Variants in SLIT3 observed in about 807,000 individuals in gnomAD.
SLIT3 encodes slit homolog 3 protein.
Under a neutral mutation model 184.0 loss-of-function variants are expected in SLIT3, and 68 were observed. That is an observed-to-expected ratio of 0.37 (90% CI 0.30 to 0.45). SLIT3 has a LOEUF of 0.45. Ranked by LOEUF, SLIT3 falls within the 20% of genes least tolerant of loss-of-function variation. The probability of loss-of-function intolerance (pLI) is 1.00; values close to 1 mark genes in which losing one functional copy is unlikely to be tolerated. For synonymous variants in SLIT3, 831 were observed against 828.6 expected, an observed-to-expected ratio of 1.00 and a Z score of -0.05; for missense variants, 1,707 against 2,026.0, an observed-to-expected ratio of 0.84 and a Z score of 3.02.
At chr5:169,075,118 T>C (rs1758689211) in intron 4 of SLIT3, among the ~76,000 whole-genome samples, 2 of 152,092 alleles carry the variant, frequency 1.3e-5, no homozygotes, top group African/African-American at 2.4e-5. Context: ...ACTCTGCTTA[T>C]GGCTGGGTCA....
In SLIT3 at chr5:168,662,204, T is replaced by A. The variant is rs1326064043; in HGVS notation, c.*4250A>T. On this transcript the variant is annotated 3_prime_UTR_variant, in exon 36 of 36. Coordinates refer to ENST00000519560, the MANE Select transcript of SLIT3 (RefSeq NM_003062.4). ...TCTTTGGTCTATGATCACCGCATTC[T>A]TCCATTTGTTCGACCCTCAGTTTTC... 3 of 152,270 alleles carry A rather than the reference T, an allele frequency of 2.0e-5. No individual in the cohort carries two copies. Among genetic ancestry groups the A allele is most frequent in the Admixed American group, 2.0e-4 (3 of 15,288 alleles). 9.4% of individuals were successfully genotyped at this position (152,270 alleles called of 1,614,324 possible).
At chr5:169,193,231 C>T (rs1344860850) in intron 4 of SLIT3, among the ~76,000 whole-genome samples, 6 of 152,172 alleles carry the variant, frequency 3.9e-5, no homozygotes, top group East Asian at 3.9e-4. Flanking sequence ...TGCAAGGCAA[C>T]GATGGACTAC....
chr5:169,117,091 C>G (rs1760696057), intron 4 of SLIT3, among the ~76,000 whole-genome samples: 1 of 152,152 alleles, frequency 6.6e-6, no homozygotes, highest in African/African-American at 2.4e-5. Context: ...CCAAGTCTAT[C>G]CTGTGAAGCG....
intron 4 of SLIT3, among the ~76,000 whole-genome samples, chr5:169,167,399 C>A (rs1173735084): frequency 6.6e-6 from 1 of 150,960 alleles, no homozygotes; most frequent in Admixed American, 6.6e-5. Flanking sequence ...CTCAGCCTCC[C>A]GAGTAGCTGG....
At chr5:168,927,372 T>C (rs1761863606) in intron 4 of SLIT3, among the ~76,000 whole-genome samples, 1 of 151,994 alleles carries the variant, frequency 6.6e-6, no homozygotes, top group African/African-American at 2.4e-5. Flanking sequence ...TAGGAGGGGA[T>C]AGGGAGTTTT....
intron 4 of SLIT3, among the ~76,000 whole-genome samples, chr5:169,082,972 A>C (rs185042218): frequency 1.4e-3 from 220 of 152,334 alleles, no homozygotes; most frequent in African/African-American, 5.1e-3. Flanking sequence ...TTAGAGCTCC[A>C]AAGCAAATAA....
Position 169,077,724 on chromosome 5 carries a change from T to C in SLIT3, c.413+115755A>G, listed in dbSNP as rs965290113. The stretch of plus-strand genomic sequence containing the variant: ...GTCACCACCCCAAACCCCTGTGTTG[T>C]TCAAGGGTCAATGTATATCAAAATG... On this transcript the variant is annotated intron_variant, in intron 4 of 35. Transcript: ENST00000519560. 3.9e-5 allele frequency among the ~76,000 whole-genome samples: 6 copies of C among 152,166 alleles called. No homozygotes were observed. In the East Asian group the frequency reaches 1.2e-3, roughly 29 times the overall value.
intron 4 of SLIT3, among the ~76,000 whole-genome samples, chr5:168,909,806 A>C (rs1178373820): frequency 6.6e-6 from 1 of 152,176 alleles, no homozygotes; most frequent in African/African-American, 2.4e-5. Flanking sequence ...GCACGTTTTA[A>C]GGGATTGAAG....
intron 1 of SLIT3, among the ~76,000 whole-genome samples, chr5:169,287,702 T>C (rs1286188166): frequency 2.0e-5 from 3 of 152,096 alleles, no homozygotes; most frequent in East Asian, 1.9e-4. Context: ...AATTCAGAAC[T>C]TGTACGCTGG....
At chr5:168,864,996 C>T (rs1759246442) in intron 5 of SLIT3, among the ~76,000 whole-genome samples, 1 of 151,890 alleles carries the variant, frequency 6.6e-6, no homozygotes, top group African/African-American at 2.4e-5. Context: ...GGTGAAACCC[C>T]ATCTCTACTA....
chr5:169,265,260 C>T (rs1007574895), intron 1 of SLIT3, among the ~76,000 whole-genome samples: 1 of 152,208 alleles, frequency 6.6e-6, no homozygotes, highest in East Asian at 1.9e-4. Context: ...TTCTGGCCTG[C>T]AGACCTGCGT....
At chr5:169,143,012 A>T (rs79989533) in intron 4 of SLIT3, among the ~76,000 whole-genome samples, 1 of 152,228 alleles carries the variant, frequency 6.6e-6, no homozygotes, top group African/African-American at 2.4e-5. Flanking sequence ...AATGATGCTG[A>T]GATGCAAAAG....
intron 4 of SLIT3, among the ~76,000 whole-genome samples, chr5:169,008,193 T>C (rs1055776034): frequency 1.3e-5 from 2 of 152,186 alleles, no homozygotes; most frequent in African/African-American, 4.8e-5. Context: ...TGAAAAGAAA[T>C]CATCTCTGGG....
chr5:168,955,042 C>A (rs1762775179), intron 4 of SLIT3, among the ~76,000 whole-genome samples: 1 of 136,490 alleles, frequency 7.3e-6, no homozygotes, highest in Admixed American at 7.8e-5. Context: ...TGTTCCCTGG[C>A]TACACAGCCC....
At chr5:168,803,726 G>T (rs572474778) in intron 9 of SLIT3, among the ~76,000 whole-genome samples, 156 of 152,196 alleles carry the variant, frequency 1.0e-3, no homozygotes, top group African/African-American at 3.6e-3. Flanking sequence ...GTCTATGGCT[G>T]CCAAAGAGAA....
intron 4 of SLIT3, among the ~76,000 whole-genome samples, chr5:169,054,082 C>G (rs925797132): frequency 2.0e-5 from 3 of 151,668 alleles, no homozygotes; most frequent in African/African-American, 7.3e-5. Flanking sequence ...CAGAGTGAGA[C>G]TCTCTCTCAA....
chr5:169,136,623 C>G (rs1360968528), intron 4 of SLIT3, among the ~76,000 whole-genome samples: 1 of 152,230 alleles, frequency 6.6e-6, no homozygotes, highest in African/African-American at 2.4e-5. Context: ...GGATGTTAAA[C>G]TTGGTGACCT....
intron 10 of SLIT3, among the ~76,000 whole-genome samples, chr5:168,794,226 C>G (rs1288219710): frequency 6.6e-6 from 1 of 152,206 alleles, no homozygotes. Context: ...CTGACTCTCT[C>G]TTTCCTCTGT....
At chr5:168,757,502 C>T (rs558549524) in intron 16 of SLIT3, among the ~76,000 whole-genome samples, 9 of 151,872 alleles carry the variant, frequency 5.9e-5, no homozygotes, top group South Asian at 2.1e-4. Context: ...GGTGGGATCT[C>T]GGCTCACTGG....
Sources: allele counts gnomAD v4.1 joint callset (sites outside exome capture counted in the v4.1 genomes callset), GRCh38; gene constraint gnomAD v4.1.1; transcripts MANE v1.5; gene names NCBI Gene and HGNC (gene_info 2026-07-23, HGNC 2026-07-21).